The following FSTL4 variants were observed in gnomAD, a reference collection of about 807,000 sequenced individuals.
FSTL4 encodes the protein follistatin like 4.
FSTL4 carries 28 observed loss-of-function variants against 78.2 expected under a neutral mutation model. That is an observed-to-expected ratio of 0.36 (90% confidence interval 0.27 to 0.49). The LOEUF (loss-of-function observed/expected upper bound fraction) is 0.49. Among genes scored for constraint, FSTL4 ranks in the 20% least tolerant of loss-of-function variants. The pLI is 0.98. For missense variants in FSTL4, 922 were observed against 1,084.9 expected (o/e 0.85, Z 2.11); for synonymous variants, 422 against 440.5 (o/e 0.96, Z 0.53).
chr5:133,253,565 T>G lies in FSTL4; in HGVS notation c.728-3989A>C, dbSNP rs528682858. Among the ~76,000 whole-genome samples, 175 of 152,326 alleles carry G rather than the reference T, an allele frequency of 1.1e-3. 2 individuals are homozygous for G. Among genetic ancestry groups the G allele is most frequent in the Admixed American group, 1.6e-3 (24 of 15,302 alleles). On this transcript the variant is annotated intron_variant, in intron 6 of 15. Transcript: ENST00000265342. ...CTGTTCTTTGCCCACTTACCCATGA[T>G]GGTAAAAGTGACGCCTCAAGTGGCA...
intron 3 of FSTL4, among the ~76,000 whole-genome samples, chr5:133,496,875 C>T (rs1370151199): frequency 2.6e-5 from 4 of 152,168 alleles, no homozygotes; most frequent in African/African-American, 9.7e-5. Context: ...TCTTGTCCTC[C>T]CTGTACGTCC....
At chr5:133,747,057 G>A in the FSTL4 span, among the ~76,000 whole-genome samples, 1 of 152,112 alleles carries the variant, frequency 6.6e-6, no homozygotes, top group African/African-American at 2.4e-5. Context: ...CTTCTCTTCG[G>A]CCATAGAGCA....
intron 3 of FSTL4, among the ~76,000 whole-genome samples, chr5:133,490,686 G>A (rs1758249866): frequency 6.6e-6 from 1 of 152,174 alleles, no homozygotes; most frequent in Admixed American, 6.5e-5. Context: ...GTATGGGTTT[G>A]TAGTGGGCTT....
chr5:133,522,039 G>C (rs1436801861), intron 3 of FSTL4, among the ~76,000 whole-genome samples: 1 of 152,176 alleles, frequency 6.6e-6, no homozygotes, highest in Non-Finnish European at 1.5e-5. Flanking sequence ...GTGCAAAGCA[G>C]AATAAGGGTA....
At chr5:133,645,605 G>A in the FSTL4 span, among the ~76,000 whole-genome samples, 245 of 152,226 alleles carry the variant, frequency 1.6e-3, 3 homozygotes, top group African/African-American at 5.6e-3. Context: ...CCCAGAACCT[G>A]GGGATGCTGC....
At chr5:133,510,605 A>G (rs1271115959) in intron 3 of FSTL4, among the ~76,000 whole-genome samples, 1 of 152,102 alleles carries the variant, frequency 6.6e-6, no homozygotes, top group African/African-American at 2.4e-5. Context: ...AGAAACCACA[A>G]ACTTAGCTCC....
the FSTL4 span, among the ~76,000 whole-genome samples, chr5:133,656,164 T>C: frequency 6.6e-6 from 1 of 151,940 alleles, no homozygotes; most frequent in Admixed American, 6.6e-5. Flanking sequence ...GAGGCCCTGG[T>C]AGGGGAGTGA....
At chr5:133,404,797 A>C (rs1756317494) in intron 3 of FSTL4, among the ~76,000 whole-genome samples, 1 of 152,222 alleles carries the variant, frequency 6.6e-6, no homozygotes. Context: ...CACATGGAGC[A>C]GGAAGCCCCT....
chr5:133,537,229 G>A (rs960164369), intron 3 of FSTL4, among the ~76,000 whole-genome samples: 1 of 152,004 alleles, frequency 6.6e-6, no homozygotes, highest in African/African-American at 2.4e-5. Context: ...TTCATTTTGG[G>A]GGAGAATAAA....
chr5:133,819,778 G>T, the FSTL4 span, among the ~76,000 whole-genome samples: 84,675 of 152,022 alleles, frequency 0.56, 24,652 homozygotes, highest in Non-Finnish European at 0.66. Flanking sequence ...ATGAAGCCTT[G>T]CACATAAAGA....
chr5:133,347,100 G>A (rs536397933), intron 4 of FSTL4, among the ~76,000 whole-genome samples: 2 of 151,776 alleles, frequency 1.3e-5, no homozygotes, highest in Admixed American at 1.3e-4. Flanking sequence ...CTTCCCTTTT[G>A]TGCTCTTGGC....
chr5:133,650,895 T>A, the FSTL4 span, among the ~76,000 whole-genome samples: 1 of 152,224 alleles, frequency 6.6e-6, no homozygotes, highest in Admixed American at 6.5e-5. Flanking sequence ...GAAATATCTC[T>A]TCATTTAGTT....
chr5:133,653,357 C>T, the FSTL4 span, among the ~76,000 whole-genome samples: 2 of 152,160 alleles, frequency 1.3e-5, no homozygotes, highest in African/African-American at 2.4e-5. Context: ...TGAAGTACAA[C>T]CCACAAGGCA....
chr5:133,250,757 T>C (rs1752204400), intron 6 of FSTL4, among the ~76,000 whole-genome samples: 1 of 152,184 alleles, frequency 6.6e-6, no homozygotes, highest in African/African-American at 2.4e-5. Context: ...AGCAGCTGAA[T>C]TGAAACAGGG....
chr5:133,649,307 T>A, the FSTL4 span, among the ~76,000 whole-genome samples: 1 of 152,230 alleles, frequency 6.6e-6, no homozygotes, highest in Admixed American at 6.5e-5. Context: ...CAAATATGAA[T>A]AAAGCTGCTA....
chr5:133,297,787 C>G (rs1237323368), intron 6 of FSTL4, among the ~76,000 whole-genome samples: 1 of 152,188 alleles, frequency 6.6e-6, no homozygotes, highest in Non-Finnish European at 1.5e-5. Flanking sequence ...ACTGTAGTCC[C>G]TCCTGGACTC....
chr5:133,645,472 T>C, the FSTL4 span, among the ~76,000 whole-genome samples: 16 of 152,166 alleles, frequency 1.1e-4, no homozygotes, highest in African/African-American at 2.9e-4. Context: ...CTGGTTTCTC[T>C]GGTACTACCT....
rs770239761 is a variant in FSTL4, at chr5:133,503,144, G to T, written c.160+64042C>A. 2.0e-5 allele frequency among the ~76,000 whole-genome samples: 3 copies of T among 152,170 alleles called. No individual in the cohort carries two copies. In the East Asian group the frequency reaches 5.8e-4, roughly 29 times the overall value. Reference sequence around the variant, plus strand: ...GCTGGTAATTTACGACAAAATTAGAGACTTTCCAGAGAGATATAGAAATGA... The same window carrying T: ...GCTGGTAATTTACGACAAAATTAGATACTTTCCAGAGAGATATAGAAATGA... On this transcript the variant is annotated intron_variant, in intron 3 of 15. Coordinates refer to ENST00000265342, the MANE Select transcript of FSTL4 (RefSeq NM_015082.2).
chr5:133,718,425 T>C, the FSTL4 span, among the ~76,000 whole-genome samples: 225 of 152,326 alleles, frequency 1.5e-3, 7 homozygotes, highest in East Asian at 0.039. Flanking sequence ...TAGTGGTCTC[T>C]CCTTGTGGCT....
Sources: gnomAD v4.1 joint callset for allele counts (sites outside exome capture counted in the v4.1 genomes callset) on GRCh38, gnomAD v4.1.1 for gene constraint, MANE v1.5 for transcripts, NCBI Gene and HGNC (gene_info 2026-07-23, HGNC 2026-07-21) for gene names.